PSMA1: variants seen among roughly 807,000 people sequenced by gnomAD.
PSMA1 encodes the protein proteasome 20S subunit alpha 1, also known as proteasome subunit alpha type-1.
In PSMA1, 3 loss-of-function variants were observed where a neutral mutation model predicts 38.4. The observed-to-expected ratio is 0.08, with a 90% CI of 0.04 to 0.20. PSMA1 has a LOEUF of 0.20. Ranked by LOEUF, PSMA1 falls within the 10% of genes least tolerant of loss-of-function variation. The pLI is 1.00. For missense variants in PSMA1, 227 were observed against 325.3 expected, an observed-to-expected ratio of 0.70 and a Z score of 2.32; for synonymous variants, 101 against 107.1, an observed-to-expected ratio of 0.94 and a Z score of 0.35.
intron 1 of PSMA1, among the ~76,000 whole-genome samples, chr11:14,638,545 C>A (rs12785705): frequency 5.6e-4 from 9 of 15,958 alleles, no homozygotes; most frequent in African/African-American, 1.0e-3. Flanking sequence ...CTCTCTCTCT[C>A]TATATATATA....
At chr11:14,564,784 C>CT (rs199728530) in intron 2 of PSMA1, among the ~76,000 whole-genome samples, 10,286 of 142,630 alleles carry the variant, frequency 0.072, 461 homozygotes, top group East Asian at 0.15. Context: ...TTCTTTCTTT[C>CT]TTTTTTTTTT....
intron 2 of PSMA1, among the ~76,000 whole-genome samples, chr11:14,569,224 A>G (rs1202581720): frequency 6.6e-6 from 1 of 152,144 alleles, no homozygotes; most frequent in Non-Finnish European, 1.5e-5. Flanking sequence ...TGCTGCTTAG[A>G]AATTTCTTCT....
Position 14,534,485 on chromosome 11 carries a change from A to G in PSMA1, c.22-15444T>C, listed in dbSNP as rs966026897. Among the ~76,000 whole-genome samples the G allele has an allele frequency of 2.6e-5, 4 of 152,044 alleles. No homozygotes were observed. The highest frequency in any genetic ancestry group is 3.9e-4 in the East Asian group (2 of 5,192). ...CCACCTTTTTAAAATTTTAATTTTA[A>G]TTTATTTGTTTATTTTTAGGACAGG... is the stretch of plus-strand genomic sequence containing the variant. On this transcript the variant is annotated intron_variant, in intron 2 of 10. Transcript: ENST00000418988. The surrounding 1 kb of genome is among the most constrained non-coding windows in gnomAD (Gnocchi z 4.5).
intron 2 of PSMA1, among the ~76,000 whole-genome samples, chr11:14,567,583 T>C (rs558130597): frequency 6.6e-6 from 1 of 152,236 alleles, no homozygotes; most frequent in Non-Finnish European, 1.5e-5. Flanking sequence ...CAAAATTTAT[T>C]TGTAGCCCAA....
At chr11:14,576,092 C>T (rs1852210535) in intron 2 of PSMA1, among the ~76,000 whole-genome samples, 2 of 152,132 alleles carry the variant, frequency 1.3e-5, no homozygotes, top group Admixed American at 1.3e-4. Flanking sequence ...CCTTTGCCCA[C>T]TTTTTGATGG....
At chr11:14,538,126 C>T (rs1851731864) in intron 2 of PSMA1, among the ~76,000 whole-genome samples, 1 of 151,928 alleles carries the variant, frequency 6.6e-6, no homozygotes, top group Admixed American at 6.6e-5. Context: ...ATATTTATTC[C>T]TAGCAAAATT....
intron 2 of PSMA1, among the ~76,000 whole-genome samples, chr11:14,595,531 G>A (rs1388855170): frequency 6.6e-6 from 1 of 152,164 alleles, no homozygotes; most frequent in Non-Finnish European, 1.5e-5. Context: ...TCATGTGTCT[G>A]TTGGCTGCAT....
At chr11:14,617,695 ATATGTGTGTGTG>A (rs1373566272) in intron 1 of PSMA1, among the ~76,000 whole-genome samples, 1 of 146,214 alleles carries the variant, frequency 6.8e-6, no homozygotes, top group Admixed American at 6.8e-5. Context: ...GTATATATAT[ATATGTGTGTGTG>A]TGTGTGTGTG....
chr11:14,576,175 A>T (rs1182522232), intron 2 of PSMA1, among the ~76,000 whole-genome samples: 1 of 152,150 alleles, frequency 6.6e-6, no homozygotes, highest in Non-Finnish European at 1.5e-5. Flanking sequence ...GATTCTGGAT[A>T]TTAGCCCTTT....
chr11:14,553,685 G>A (rs1216873606), intron 2 of PSMA1, among the ~76,000 whole-genome samples: 1 of 151,802 alleles, frequency 6.6e-6, no homozygotes, highest in East Asian at 1.9e-4. Flanking sequence ...AGTATTCCAT[G>A]ATATAGATGC....
At chr11:14,626,165 T>C (rs998383318) in intron 1 of PSMA1, among the ~76,000 whole-genome samples, 2 of 151,776 alleles carry the variant, frequency 1.3e-5, no homozygotes, top group Non-Finnish European at 1.5e-5. Context: ...ACAGTTTTTA[T>C]TATTACTTAA....
intron 2 of PSMA1, among the ~76,000 whole-genome samples, chr11:14,572,788 A>G (rs1852162237): frequency 6.6e-6 from 1 of 152,218 alleles, no homozygotes; most frequent in African/African-American, 2.4e-5. Context: ...AAAGAAGAAA[A>G]GAGAGAAGAA....
At chr11:14,551,593 G>A (rs1414088675) in intron 2 of PSMA1, among the ~76,000 whole-genome samples, 1 of 152,186 alleles carries the variant, frequency 6.6e-6, no homozygotes, top group African/African-American at 2.4e-5. Context: ...AAGTAAACAT[G>A]GATTTGGGAG....
chr11:14,557,397 C>T (rs1205614079), intron 2 of PSMA1, among the ~76,000 whole-genome samples: 1 of 152,080 alleles, frequency 6.6e-6, no homozygotes, highest in Non-Finnish European at 1.5e-5. Flanking sequence ...AAGCGCACCA[C>T]CACACCCAGC....
intron 1 of PSMA1, among the ~76,000 whole-genome samples, chr11:14,630,899 T>C (rs1268925667): frequency 6.6e-6 from 1 of 151,964 alleles, no homozygotes; most frequent in Non-Finnish European, 1.5e-5. Context: ...CTTGGGAGAG[T>C]GTATGTGTCC....
At chr11:14,631,603 G>C (rs1176736951) in intron 1 of PSMA1, among the ~76,000 whole-genome samples, 1 of 152,176 alleles carries the variant, frequency 6.6e-6, no homozygotes, top group Non-Finnish European at 1.5e-5. Flanking sequence ...GTCAAGTTTG[G>C]AATAGGTGTG....
chr11:14,631,274 A>G (rs1853005035), intron 1 of PSMA1, among the ~76,000 whole-genome samples: 1 of 151,828 alleles, frequency 6.6e-6, no homozygotes, highest in Admixed American at 6.6e-5. Context: ...TCAATTTTCG[A>G]TATTTCCTGC....
chr11:14,628,986 T>A lies in PSMA1; in HGVS notation c.-166+14469A>T, dbSNP rs1471152686. Among the ~76,000 whole-genome samples, 3 of 151,562 alleles carry A rather than the reference T, an allele frequency of 2.0e-5. No homozygotes were observed. In the South Asian group the frequency reaches 6.2e-4, roughly 32 times the overall value. On this transcript the variant is annotated intron_variant, in intron 1 of 10. Coordinates refer to the PSMA1 transcript ENST00000418988. ...TCTTCTTTTGAGAAGTGTCTGTTCA[T>A]GTCCTTCGCCCACTTGTTGATGGGG...
At chr11:14,624,939 G>A (rs896064550) in intron 1 of PSMA1, among the ~76,000 whole-genome samples, 1 of 152,196 alleles carries the variant, frequency 6.6e-6, no homozygotes, top group African/African-American at 2.4e-5. Context: ...GGGTTGAGAG[G>A]ACTTGGAATG....
Sources: allele counts gnomAD v4.1 joint callset (sites outside exome capture counted in the v4.1 genomes callset), GRCh38; gene constraint gnomAD v4.1.1; non-coding constraint Gnocchi (gnomAD v3.1); transcripts MANE v1.5; gene names NCBI Gene and HGNC (gene_info 2026-07-23, HGNC 2026-07-21).